The following CNTN5 variants were observed in gnomAD, a reference collection of about 807,000 sequenced individuals.
The protein encoded by CNTN5 is contactin-5.
In CNTN5, 77 loss-of-function variants were observed where a neutral mutation model predicts 129.1. That is an observed-to-expected ratio of 0.60 (90% CI 0.50 to 0.72). CNTN5 has a LOEUF of 0.72. Among genes scored for constraint, CNTN5 ranks in the 30% least tolerant of loss-of-function variants. The pLI, the probability that CNTN5 is intolerant of heterozygous loss-of-function variation, is 0.00. For synonymous variants in CNTN5, 509 were observed against 465.6 expected (o/e 1.09, Z -1.20); for missense variants, 1,478 against 1,328.8 (o/e 1.11, Z -1.75).
chr11:100,037,795 C>T (rs1192680553), intron 9 of CNTN5, among the ~76,000 whole-genome samples: 1 of 152,040 alleles, frequency 6.6e-6, no homozygotes, highest in Non-Finnish European at 1.5e-5. Flanking sequence ...GTTTGTATAT[C>T]TGTGGGATCG....
At chr11:100,079,029 G>A (rs533093762) in intron 13 of CNTN5, among the ~76,000 whole-genome samples, 21 of 152,230 alleles carry the variant, frequency 1.4e-4, no homozygotes, top group Admixed American at 3.9e-4. Context: ...GGAAGGAGAA[G>A]TGCCAAGGAA....
At chr11:99,740,094 A>T (rs1943841662) in intron 3 of CNTN5, among the ~76,000 whole-genome samples, 1 of 152,180 alleles carries the variant, frequency 6.6e-6, no homozygotes, top group Non-Finnish European at 1.5e-5. Flanking sequence ...TTCAGATTTA[A>T]ATAATCTTGA....
At chr11:99,305,210 T>G (rs992270582) in intron 1 of CNTN5, among the ~76,000 whole-genome samples, 1 of 152,210 alleles carries the variant, frequency 6.6e-6, no homozygotes, top group Non-Finnish European at 1.5e-5. Flanking sequence ...ATAAGGGCTT[T>G]GTCTCTCTGA....
chr11:99,458,281 G>T (rs1421283267), intron 2 of CNTN5, among the ~76,000 whole-genome samples: 3 of 151,838 alleles, frequency 2.0e-5, no homozygotes, highest in Admixed American at 6.6e-5. Context: ...AACATAAAAA[G>T]TGTTTTAAAA....
intron 1 of CNTN5, among the ~76,000 whole-genome samples, chr11:99,177,626 T>G (rs951999533): frequency 2.6e-5 from 4 of 152,176 alleles, no homozygotes; most frequent in African/African-American, 9.7e-5. Flanking sequence ...GATTAGTCAG[T>G]CAATCAGACT....
chr11:99,337,338 A>T (rs1866273438), intron 2 of CNTN5, among the ~76,000 whole-genome samples: 1 of 152,182 alleles, frequency 6.6e-6, no homozygotes, highest in Admixed American at 6.5e-5. Flanking sequence ...GAAATCAGGG[A>T]TCTCACAGCC....
chr11:99,617,366 A>G (rs1235004381), intron 3 of CNTN5, among the ~76,000 whole-genome samples: 1 of 152,148 alleles, frequency 6.6e-6, no homozygotes, highest in East Asian at 1.9e-4. Context: ...AAGAAGGATA[A>G]TAGTACATTT....
At chr11:99,744,164 G>A (rs190846695) in intron 3 of CNTN5, among the ~76,000 whole-genome samples, 1 of 152,102 alleles carries the variant, frequency 6.6e-6, no homozygotes, top group Non-Finnish European at 1.5e-5. Flanking sequence ...AGAGCATTCA[G>A]GTTCATTTAA....
intron 3 of CNTN5, among the ~76,000 whole-genome samples, chr11:99,731,712 C>G (rs1230880222): frequency 6.6e-6 from 1 of 152,164 alleles, no homozygotes; most frequent in African/African-American, 2.4e-5. Context: ...TAGGTGAAGT[C>G]CTTCTTTCTA....
At chr11:99,239,198 A>T (rs183325658) in intron 1 of CNTN5, among the ~76,000 whole-genome samples, 1 of 152,338 alleles carries the variant, frequency 6.6e-6, no homozygotes, top group Admixed American at 6.5e-5. Flanking sequence ...AAGTACTCAA[A>T]CTAATGGAGC....
chr11:100,045,732 A>G (rs921172897), intron 9 of CNTN5, among the ~76,000 whole-genome samples: 4 of 151,824 alleles, frequency 2.6e-5, no homozygotes, highest in African/African-American at 9.7e-5. Context: ...AAAAAAAAAA[A>G]AAGAGTTCTG....
intron 3 of CNTN5, among the ~76,000 whole-genome samples, chr11:99,717,836 AT>A (rs1223313906): frequency 1.3e-5 from 2 of 152,162 alleles, no homozygotes; most frequent in African/African-American, 4.8e-5. Flanking sequence ...CTTATCAAAA[AT>A]ATTCAGAATG....
intron 2 of CNTN5, among the ~76,000 whole-genome samples, chr11:99,491,864 C>G (rs1168356872): frequency 6.6e-6 from 1 of 151,986 alleles, no homozygotes; most frequent in African/African-American, 2.4e-5. Flanking sequence ...TTTTGTAAGT[C>G]CTTGGATGGT....
intron 2 of CNTN5, among the ~76,000 whole-genome samples, chr11:99,525,849 C>T (rs1037896031): frequency 3.3e-5 from 5 of 152,064 alleles, no homozygotes; most frequent in African/African-American, 4.8e-5. Context: ...AAGACATTTT[C>T]ATTAACTAGA....
chr11:100,067,831 CA>C (rs34509271), intron 10 of CNTN5, among the ~76,000 whole-genome samples: 21,242 of 147,592 alleles, frequency 0.14, 2,009 homozygotes, highest in African/African-American at 0.27. Flanking sequence ...TAATGGTATC[CA>C]AAAAAAAAAT....
intron 3 of CNTN5, among the ~76,000 whole-genome samples, chr11:99,786,635 T>C (rs1262329854): frequency 6.6e-6 from 1 of 152,166 alleles, no homozygotes; most frequent in Non-Finnish European, 1.5e-5. Flanking sequence ...GGAAACAGCA[T>C]GGTACTGGTA....
chr11:99,382,964 C>G (rs1022508200), intron 2 of CNTN5, among the ~76,000 whole-genome samples: 2 of 137,648 alleles, frequency 1.5e-5, no homozygotes, highest in Non-Finnish European at 3.1e-5. Context: ...TCAAACAATT[C>G]TCCTGCCTCA....
intron 7 of CNTN5, among the ~76,000 whole-genome samples, chr11:99,936,682 G>A (rs1718009086): frequency 6.6e-6 from 1 of 152,146 alleles, no homozygotes; most frequent in South Asian, 2.1e-4. Flanking sequence ...TGCAGATCAA[G>A]CAGCCAGATG....
At chr11:100,042,908 G>A (rs1942460047) in intron 9 of CNTN5, among the ~76,000 whole-genome samples, 2 of 152,150 alleles carry the variant, frequency 1.3e-5, no homozygotes. Context: ...AATCAAATGT[G>A]TAGTTGAACA....
Sources: allele counts gnomAD v4.1 joint callset (sites outside exome capture counted in the v4.1 genomes callset), GRCh38; gene constraint gnomAD v4.1.1; transcripts MANE v1.5; gene names NCBI Gene and HGNC (gene_info 2026-07-23, HGNC 2026-07-21).